ST7: variants seen among roughly 807,000 people sequenced by gnomAD.
ST7 encodes suppression of tumorigenicity 7.
Under a neutral mutation model 78.7 loss-of-function variants are expected in ST7, and 28 were observed. That is an observed-to-expected ratio of 0.36 (90% CI 0.26 to 0.49). The LOEUF (loss-of-function observed/expected upper bound fraction) is 0.49. Among genes scored for constraint, ST7 ranks in the 20% least tolerant of loss-of-function variants. The pLI is 0.99. For missense variants in ST7, 418 were observed against 696.0 expected, an observed-to-expected ratio of 0.60 and a Z score of 4.49; for synonymous variants, 247 against 249.6, an observed-to-expected ratio of 0.99 and a Z score of 0.10.
At chr7:117,222,949 C>CG in intron 15 of ST7, 1 of 1,613,822 alleles carries the variant, frequency 6.2e-7, no homozygotes, top group Non-Finnish European at 8.5e-7. Flanking sequence ...GAAATCCCTC[C>CG]GGCACCTCAA....
intron 1 of ST7, among the ~76,000 whole-genome samples, chr7:117,064,345 A>T (rs886552145): frequency 3.9e-5 from 6 of 152,348 alleles, no homozygotes; most frequent in Admixed American, 2.0e-4. Context: ...CAAGGTAATT[A>T]AAAAACTACT....
intron 1 of ST7, among the ~76,000 whole-genome samples, chr7:117,038,202 G>A (rs75969899): frequency 0.01 from 1,570 of 152,266 alleles, 37 homozygotes; most frequent in African/African-American, 0.036. Flanking sequence ...GCTGGGAAAG[G>A]CTTGTTCACT....
intron 12 of ST7, among the ~76,000 whole-genome samples, chr7:117,193,401 T>C (rs38887): frequency 0.13 from 19,458 of 152,248 alleles, 2,359 homozygotes; most frequent in African/African-American, 0.31. Context: ...AGCTGAAGTA[T>C]ATAAGCCCTC....
intron 9 of ST7, 117 bp from the exon 10 acceptor site, chr7:117,170,745 T>C: frequency 3.0e-6 from 1 of 335,798 alleles, no homozygotes; most frequent in Non-Finnish European, 5.2e-6. Context: ...TCATTTTACT[T>C]TGTGTATATA....
intron 1 of ST7, among the ~76,000 whole-genome samples, chr7:117,005,825 A>G (rs528811532): frequency 2.0e-5 from 3 of 152,300 alleles, no homozygotes; most frequent in African/African-American, 7.2e-5. Flanking sequence ...TTTATTTTTT[A>G]TCTTTAATTA....
At chr7:117,185,787 G>A (rs975356237) in intron 10 of ST7, among the ~76,000 whole-genome samples, 3 of 152,158 alleles carry the variant, frequency 2.0e-5, no homozygotes, top group Non-Finnish European at 4.4e-5. Flanking sequence ...GCTGGGCATG[G>A]TGGCGCATGC....
In ST7 at chr7:116,976,847, GATGTTACCCA is replaced by G. The variant is rs1379101427; in HGVS notation, c.151+23158_151+23167del. 3.9e-5 allele frequency among the ~76,000 whole-genome samples: 6 copies of G among 152,284 alleles called. No homozygotes were observed. The East Asian group carries it at 1.2e-3, about 29-fold the overall frequency. On this transcript the variant is annotated intron_variant, in intron 1 of 15. Transcript: ENST00000323984. ...GTTTCTCAACATCTTCACTAGTCTTGATGTTACCCAACTTCAACATTCTTGCTAGTTTGAT... is the reference window on the plus strand; with the variant it reads ...GTTTCTCAACATCTTCACTAGTCTTGACTTCAACATTCTTGCTAGTTTGAT...
At position 117,119,667 on chromosome 7, in the gene ST7, A is replaced by G; in HGVS notation, c.341A>G (p.Asn114Ser). ...GGAGGGGTTGACAACAACTCTTCCA[A>G]CAATTCTAATTCCAGTAACGGGGAC... ...LLGGVDNNSS[N>S]NSNSSNGDSD... is the part of the protein sequence containing the mutation. The change falls in exon 3 of 16, where the codon AAC becomes AGC. Residue 114 changes from asparagine (N) to serine (S), a missense_variant. By Grantham distance (46) the Asn-to-Ser change is conservative (BLOSUM62 1). Transcript: ENST00000323984. 1 of 1,613,932 alleles carries G rather than the reference A, an allele frequency of 6.2e-7. No homozygotes were observed. Among genetic ancestry groups the G allele is most frequent in the Non-Finnish European group, 8.5e-7 (1 of 1,180,010 alleles).
chr7:116,973,701 T>C (rs1793555382), intron 1 of ST7, among the ~76,000 whole-genome samples: 1 of 152,254 alleles, frequency 6.6e-6, no homozygotes, highest in Admixed American at 6.5e-5. Context: ...AATGTATAGT[T>C]ATTTTGTGAG....
intron 9 of ST7, among the ~76,000 whole-genome samples, chr7:117,141,041 C>A (rs560880598): frequency 2.6e-5 from 4 of 152,158 alleles, no homozygotes; most frequent in Non-Finnish European, 4.4e-5. Flanking sequence ...AAGATAACTG[C>A]GACTTCCCTG....
At chr7:117,071,169 A>G (rs1029158875) in intron 1 of ST7, among the ~76,000 whole-genome samples, 7 of 152,174 alleles carry the variant, frequency 4.6e-5, no homozygotes, top group African/African-American at 1.7e-4. Context: ...CAGTGAGCCG[A>G]GATCGCGCCA....
At chr7:116,999,951 C>T (rs1165031129) in intron 1 of ST7, among the ~76,000 whole-genome samples, 10 of 151,614 alleles carry the variant, frequency 6.6e-5, no homozygotes, top group Non-Finnish European at 1.5e-4. Context: ...GCTGGGACTA[C>T]AGGTGCCTGC....
At chr7:117,087,250 A>G (rs1487684476) in intron 1 of ST7, among the ~76,000 whole-genome samples, 1 of 152,236 alleles carries the variant, frequency 6.6e-6, no homozygotes, top group Non-Finnish European at 1.5e-5. Flanking sequence ...TTCAAAACAA[A>G]GCAAGTAGAT....
intron 1 of ST7, among the ~76,000 whole-genome samples, chr7:117,055,272 G>A (rs1048005037): frequency 3.3e-5 from 5 of 151,830 alleles, no homozygotes; most frequent in East Asian, 1.9e-4. Context: ...GCATGATCTC[G>A]GCTTACTGCA....
intron 10 of ST7, among the ~76,000 whole-genome samples, chr7:117,176,121 A>G (rs1808327163): frequency 6.6e-6 from 1 of 152,198 alleles, no homozygotes; most frequent in South Asian, 2.1e-4. Flanking sequence ...AATTTGTCCT[A>G]ATGGAAATAC....
intron 9 of ST7, among the ~76,000 whole-genome samples, chr7:117,165,633 G>A (rs1360243167): frequency 6.6e-6 from 1 of 152,138 alleles, no homozygotes; most frequent in African/African-American, 2.4e-5. Flanking sequence ...ACAGCAATAA[G>A]GCAAAGTTCC....
At chr7:117,130,350 T>A (rs906158032) in intron 4 of ST7, 141 bp from the exon 5 acceptor site, 87 of 503,106 alleles carry the variant, frequency 1.7e-4, no homozygotes, top group East Asian at 1.6e-3. Context: ...AGATGATTTT[T>A]AAAAATTTTT....
At position 117,159,629 on chromosome 7, in the gene ST7, G is replaced by A. The variant is rs150946094; in HGVS notation, c.964-11233G>A. On this transcript the variant is annotated intron_variant, in intron 9 of 15. Coordinates refer to ENST00000323984, the MANE Select transcript of ST7 (RefSeq NM_001369598.1). ...TTGATATGGGGACTGTGGTCTTTTTGTAATAGAAAGGCTAATTATGTTACC... is the reference window on the plus strand; with the variant it reads ...TTGATATGGGGACTGTGGTCTTTTTATAATAGAAAGGCTAATTATGTTACC... Among the ~76,000 whole-genome samples the A allele has an allele frequency of 9.2e-5, 14 of 152,264 alleles. No homozygotes were observed. The East Asian group carries it at 2.3e-3, about 25-fold the overall frequency.
At chr7:117,176,499 T>G (rs1162364314) in intron 10 of ST7, among the ~76,000 whole-genome samples, 1 of 152,224 alleles carries the variant, frequency 6.6e-6, no homozygotes, top group Admixed American at 6.5e-5. Context: ...AGAAAAAGCC[T>G]TTTGCTGATA....
Sources: gnomAD v4.1 joint callset for allele counts (sites outside exome capture counted in the v4.1 genomes callset) on GRCh38, gnomAD v4.1.1 for gene constraint, MANE v1.5 for transcripts, NCBI Gene and HGNC (gene_info 2026-07-23, HGNC 2026-07-21) for gene names.